Variants in SDK1 observed in about 807,000 individuals in gnomAD.
SDK1 encodes the protein protein sidekick-1.
A neutral mutation model predicts 245.5 loss-of-function variants in SDK1; 157 were observed. That is an observed-to-expected ratio of 0.64 (90% CI 0.56 to 0.73). SDK1 has a LOEUF of 0.73. Ranked by LOEUF, SDK1 falls within the 30% of genes least tolerant of loss-of-function variation. The probability of loss-of-function intolerance (pLI) is 0.00; values close to 1 mark genes in which losing one functional copy is unlikely to be tolerated. For synonymous variants in SDK1, 1,647 were observed against 1,278.5 expected, an observed-to-expected ratio of 1.29 and a Z score of -6.15; for missense variants, 3,583 against 3,002.3, an observed-to-expected ratio of 1.19 and a Z score of -4.52.
chr7:3,391,966 A>AATATATATAT (rs55768106), intron 1 of SDK1, among the ~76,000 whole-genome samples: 6 of 143,974 alleles, frequency 4.2e-5, no homozygotes, highest in African/African-American at 1.1e-4. Context: ...TATATCATGT[A>AATATATATAT]ATATATATAT....
At chr7:3,758,462 T>C (rs911060106) in intron 4 of SDK1, among the ~76,000 whole-genome samples, 3 of 152,354 alleles carry the variant, frequency 2.0e-5, no homozygotes, top group Middle Eastern at 6.8e-3. Flanking sequence ...TTTAGGTTGG[T>C]GCAAAAATAA....
At chr7:3,304,909 C>G (rs1001919298) in intron 1 of SDK1, among the ~76,000 whole-genome samples, 1 of 152,142 alleles carries the variant, frequency 6.6e-6, no homozygotes, top group African/African-American at 2.4e-5. Flanking sequence ...ATCTGGGCAT[C>G]AGGATGCTGA....
intron 17 of SDK1, among the ~76,000 whole-genome samples, chr7:4,030,209 C>T (rs552759024): frequency 3.9e-4 from 59 of 152,194 alleles, no homozygotes; most frequent in Non-Finnish European, 7.8e-4. Flanking sequence ...TCGTGTGAGC[C>T]ACACAGAGAG....
At chr7:3,800,365 AC>A (rs1779076470) in intron 4 of SDK1, among the ~76,000 whole-genome samples, 4 of 149,458 alleles carry the variant, frequency 2.7e-5, no homozygotes, top group Non-Finnish European at 5.9e-5. Flanking sequence ...TTACTTACTT[AC>A]TTACTTATTT....
chr7:4,140,963 A>T (rs923469819), intron 28 of SDK1, among the ~76,000 whole-genome samples: 1 of 152,210 alleles, frequency 6.6e-6, no homozygotes, highest in Admixed American at 6.5e-5. Flanking sequence ...AAAATGATTA[A>T]TACCAAGAGA....
At chr7:3,565,862 T>C (rs1779898731) in intron 1 of SDK1, among the ~76,000 whole-genome samples, 1 of 152,188 alleles carries the variant, frequency 6.6e-6, no homozygotes, top group South Asian at 2.1e-4. Flanking sequence ...TTTCCGAATA[T>C]TTTCCATCCA....
At position 4,026,546 on chromosome 7, in the gene SDK1, A is replaced by G. The variant is rs994184072; in HGVS notation, c.2602+9194A>G. Among the ~76,000 whole-genome samples, 6 of 152,184 alleles carry G rather than the reference A, an allele frequency of 3.9e-5. No homozygotes were observed. Among genetic ancestry groups the G allele is most frequent in the East Asian group, 1.9e-4 (1 of 5,198 alleles). On this transcript the variant is annotated intron_variant, in intron 17 of 44. Coordinates refer to ENST00000404826, the MANE Select transcript of SDK1 (RefSeq NM_152744.4). The surrounding 1 kb of genome is among the most constrained non-coding windows in gnomAD (Gnocchi z 4.1). ...CACCCCAGCCCAAACACTGGCCCCA[A>G]ATGCTTCTCTTCAATGCCTGGCAAG... is the stretch of plus-strand genomic sequence containing the variant.
At chr7:3,820,874 T>C (rs1157614310) in intron 4 of SDK1, among the ~76,000 whole-genome samples, 1 of 152,168 alleles carries the variant, frequency 6.6e-6, no homozygotes, top group African/African-American at 2.4e-5. Context: ...TTCTAAGACA[T>C]GGTGAGATAG....
At chr7:3,543,414 G>C (rs1288835060) in intron 1 of SDK1, among the ~76,000 whole-genome samples, 1 of 152,256 alleles carries the variant, frequency 6.6e-6, no homozygotes, top group African/African-American at 2.4e-5. Flanking sequence ...TCTTACTAAA[G>C]AGATGGCTCT....
intron 16 of SDK1, among the ~76,000 whole-genome samples, chr7:4,014,170 G>C (rs1001607480): frequency 6.6e-6 from 1 of 152,230 alleles, no homozygotes; most frequent in Non-Finnish European, 1.5e-5. Flanking sequence ...GGCTGAAGCC[G>C]TCAAGTAAGG....
intron 17 of SDK1, among the ~76,000 whole-genome samples, chr7:4,037,380 AG>A (rs34109667): frequency 0.24 from 35,928 of 152,032 alleles, 5,940 homozygotes; most frequent in African/African-American, 0.48. Flanking sequence ...ATACTTTGGG[AG>A]GATGAGGTGG....
At chr7:3,869,563 GC>G (rs1583495059) in intron 5 of SDK1, among the ~76,000 whole-genome samples, 3 of 152,260 alleles carry the variant, frequency 2.0e-5, no homozygotes, top group Admixed American at 1.3e-4. Context: ...GCCACCCTGT[GC>G]CCCCAGCCCG....
At chr7:3,394,957 A>G (rs1358131922) in intron 1 of SDK1, among the ~76,000 whole-genome samples, 2 of 151,972 alleles carry the variant, frequency 1.3e-5, no homozygotes, top group Non-Finnish European at 2.9e-5. Flanking sequence ...AAACAAAGAC[A>G]GTTTTACCAC....
chr7:3,993,243 C>G (rs1784474634), intron 14 of SDK1, among the ~76,000 whole-genome samples: 1 of 152,212 alleles, frequency 6.6e-6, no homozygotes, highest in Admixed American at 6.5e-5. Flanking sequence ...TCCTAGTTCT[C>G]AAACTGAGCC....
chr7:3,478,357 C>T (rs1381064956), intron 1 of SDK1, among the ~76,000 whole-genome samples: 2 of 151,918 alleles, frequency 1.3e-5, no homozygotes, highest in East Asian at 3.8e-4. Context: ...GTATTTTAGG[C>T]ATAATATATT....
chr7:4,005,018 G>C (rs904495297), intron 14 of SDK1, among the ~76,000 whole-genome samples: 2 of 144,620 alleles, frequency 1.4e-5, no homozygotes, highest in South Asian at 2.2e-4. Context: ...GGTAATTCTG[G>C]TGTTTAATTG....
chr7:3,420,419 C>G (rs1280714551), intron 1 of SDK1, among the ~76,000 whole-genome samples: 1 of 152,134 alleles, frequency 6.6e-6, no homozygotes, highest in Admixed American at 6.5e-5. Flanking sequence ...ATTTTTCTTT[C>G]AGAGCAATAA....
intron 13 of SDK1, among the ~76,000 whole-genome samples, chr7:3,981,521 C>T (rs1783402896): frequency 6.6e-6 from 1 of 152,168 alleles, no homozygotes; most frequent in African/African-American, 2.4e-5. Context: ...AGACAAAAGC[C>T]AGGCCTCTTG....
chr7:3,853,834 C>A (rs190311841), intron 5 of SDK1, among the ~76,000 whole-genome samples: 1 of 152,152 alleles, frequency 6.6e-6, no homozygotes, highest in East Asian at 1.9e-4. Flanking sequence ...ACTAAAAATA[C>A]AAAAATTAGC....
Sources: allele counts gnomAD v4.1 joint callset (sites outside exome capture counted in the v4.1 genomes callset), GRCh38; gene constraint gnomAD v4.1.1; non-coding constraint Gnocchi (gnomAD v3.1); transcripts MANE v1.5; gene names NCBI Gene and HGNC (gene_info 2026-07-23, HGNC 2026-07-21).